Variants in SLC1A1 observed in about 807,000 individuals in gnomAD.
SLC1A1 encodes the protein excitatory amino acid transporter 3.
SLC1A1 carries 43 observed loss-of-function variants against 53.3 expected under a neutral mutation model. That is an observed-to-expected ratio of 0.81 (90% CI 0.63 to 1.04). The LOEUF (loss-of-function observed/expected upper bound fraction) is 1.04, where lower values mean the gene tolerates loss of function less well. Ranked by LOEUF, SLC1A1 falls within the 50% of genes least tolerant of loss-of-function variation. SLC1A1 has a pLI of 0.00. For missense variants in SLC1A1, 748 were observed against 664.9 expected, an observed-to-expected ratio of 1.12 and a Z score of -1.37; for synonymous variants, 307 against 243.2, an observed-to-expected ratio of 1.26 and a Z score of -2.44.
chr9:4,512,299 G>C (rs1177129001), intron 1 of SLC1A1, among the ~76,000 whole-genome samples: 8 of 152,114 alleles, frequency 5.3e-5, no homozygotes, highest in Non-Finnish European at 1.2e-4. Flanking sequence ...GATTGCTTGA[G>C]CTCAGGAATT....
rs193043778 is a variant in SLC1A1, at chr9:4,493,046, G to A, written c.91+2276G>A. On this transcript the variant is annotated intron_variant, in intron 1 of 11. Coordinates refer to ENST00000262352, the MANE Select transcript of SLC1A1 (RefSeq NM_004170.6). ...ATAAGAAGAAGTACATGCTCATTTT[G>A]CAGACATGGCCTTTGGTCTCAGATG... Among the ~76,000 whole-genome samples the A allele has an allele frequency of 9.2e-5, 14 of 152,282 alleles. No individual in the cohort carries two copies. In the East Asian group the frequency reaches 2.7e-3, roughly 29 times the overall value.
chr9:4,557,278 T>C (rs1818497585), intron 2 of SLC1A1, among the ~76,000 whole-genome samples: 1 of 152,260 alleles, frequency 6.6e-6, no homozygotes, highest in Non-Finnish European at 1.5e-5. Context: ...GTGATGGAAC[T>C]ACGTGCCAGG....
At chr9:4,496,583 A>G (rs183105108) in intron 1 of SLC1A1, among the ~76,000 whole-genome samples, 2 of 152,068 alleles carry the variant, frequency 1.3e-5, no homozygotes, top group Admixed American at 1.3e-4. Context: ...ACTGAACCTG[A>G]AGAGAAGTGA....
chr9:4,573,895 C>T lies in SLC1A1; in HGVS notation c.768-12C>T, dbSNP rs745510306. On this transcript the variant is annotated splice_polypyrimidine_tract_variant and intron_variant, in intron 7 of 11. Coordinates refer to ENST00000262352, the MANE Select transcript of SLC1A1 (RefSeq NM_004170.6). ...ATGACGGAATCACGCCTCTGTTGTGCTTCCTTTCCAGTTATATGCCACTAG... is the reference window on the plus strand; with the variant it reads ...ATGACGGAATCACGCCTCTGTTGTGTTTCCTTTCCAGTTATATGCCACTAG... The T allele has an allele frequency of 1.3e-6, 2 of 1,559,468 alleles. No individual in the cohort carries two copies. The highest frequency in any genetic ancestry group is 2.2e-5 in the East Asian group (1 of 44,636).
At chr9:4,554,704 T>C (rs1818216691) in intron 2 of SLC1A1, among the ~76,000 whole-genome samples, 1 of 152,210 alleles carries the variant, frequency 6.6e-6, no homozygotes, top group African/African-American at 2.4e-5. Flanking sequence ...GCAAGGCCTG[T>C]TGGCCAAGGT....
chr9:4,502,389 G>GAA (rs775499017), intron 1 of SLC1A1, among the ~76,000 whole-genome samples: 1,674 of 56,458 alleles, frequency 0.03, 280 homozygotes, highest in Middle Eastern at 0.11. Flanking sequence ...CCTGTCTCCA[G>GAA]AAAAAAAAAA....
intron 1 of SLC1A1, among the ~76,000 whole-genome samples, chr9:4,536,678 C>G (rs538048126): frequency 4.6e-5 from 7 of 152,184 alleles, no homozygotes; most frequent in Non-Finnish European, 1.0e-4. Flanking sequence ...TTTGACCTGG[C>G]AATCCCATTA....
At chr9:4,527,274 G>A (rs1052459766) in intron 1 of SLC1A1, among the ~76,000 whole-genome samples, 3 of 152,162 alleles carry the variant, frequency 2.0e-5, no homozygotes, top group African/African-American at 7.2e-5. Context: ...GAAGCCTTGT[G>A]AGACCCTGAG....
chr9:4,509,669 C>T (rs1223547758), intron 1 of SLC1A1, among the ~76,000 whole-genome samples: 1 of 152,094 alleles, frequency 6.6e-6, no homozygotes, highest in Non-Finnish European at 1.5e-5. Flanking sequence ...CTGGATCAGC[C>T]CTCCCAGTGC....
At chr9:4,567,808 G>A in intron 6 of SLC1A1, 41 bp downstream of exon 6, 1 of 1,219,826 alleles carries the variant, frequency 8.2e-7, no homozygotes, top group Non-Finnish European at 1.2e-6. Context: ...CAGGAGACAG[G>A]CACTGAGTCA....
intron 1 of SLC1A1, among the ~76,000 whole-genome samples, chr9:4,519,303 G>A (rs1815980494): frequency 6.6e-6 from 1 of 152,222 alleles, no homozygotes; most frequent in Non-Finnish European, 1.5e-5. Flanking sequence ...CATTGGTTTA[G>A]ATCACAGTGT....
At chr9:4,505,829 G>A (rs1820789322) in intron 1 of SLC1A1, among the ~76,000 whole-genome samples, 1 of 151,874 alleles carries the variant, frequency 6.6e-6, no homozygotes, top group African/African-American at 2.4e-5. Context: ...GCTAATTTTT[G>A]TACTTTTAGT....
intron 2 of SLC1A1, 36 bp downstream of exon 2, chr9:4,544,743 C>G: frequency 6.5e-7 from 1 of 1,539,164 alleles, no homozygotes; most frequent in Non-Finnish European, 9.0e-7. Flanking sequence ...TATATTAGTC[C>G]ATTTTCATAC....
In SLC1A1 at chr9:4,490,520, C is replaced by T. The variant is rs917598419; in HGVS notation, c.-160C>T. The T allele has an allele frequency of 7.0e-6, 3 of 426,448 alleles. No individual in the cohort carries two copies. The highest frequency in any genetic ancestry group is 1.2e-5 in the Non-Finnish European group (3 of 242,916). 26.4% of individuals were successfully genotyped at this position (426,448 alleles called of 1,614,324 possible). ...GGGCGCGGTGCGCGATCCCGGGTGG[C>T]GGCGGCAACGGCGGTGGTGACGGCG... On this transcript the variant is annotated 5_prime_UTR_variant, in exon 1 of 12. Transcript: ENST00000262352.
At chr9:4,571,689 T>TAAAC (rs1408528676) in intron 6 of SLC1A1, among the ~76,000 whole-genome samples, 1 of 151,182 alleles carries the variant, frequency 6.6e-6, no homozygotes, top group Admixed American at 6.6e-5. Context: ...AAAAAATAAA[T>TAAAC]AAATAAATAA....
chr9:4,511,142 C>A (rs1413015157), intron 1 of SLC1A1, among the ~76,000 whole-genome samples: 4 of 152,178 alleles, frequency 2.6e-5, no homozygotes, highest in African/African-American at 9.7e-5. Flanking sequence ...ACTTTAAAAA[C>A]TGAGAGAGGG....
chr9:4,508,627 C>T (rs1474571885), intron 1 of SLC1A1, among the ~76,000 whole-genome samples: 1 of 152,212 alleles, frequency 6.6e-6, no homozygotes, highest in Non-Finnish European at 1.5e-5. Context: ...GTTTATGACA[C>T]ACTTCTGGGT....
At chr9:4,507,087 A>T (rs1820832575) in intron 1 of SLC1A1, among the ~76,000 whole-genome samples, 1 of 152,128 alleles carries the variant, frequency 6.6e-6, no homozygotes, top group African/African-American at 2.4e-5. Context: ...AAAAAAAATT[A>T]GCTGAGCGTG....
chr9:4,569,632 T>C (rs1382820055), intron 6 of SLC1A1, among the ~76,000 whole-genome samples: 3 of 152,154 alleles, frequency 2.0e-5, no homozygotes, highest in Non-Finnish European at 2.9e-5. Context: ...GACTTAAGAA[T>C]TCAAATTAAA....
Sources: gnomAD v4.1 joint callset for allele counts (sites outside exome capture counted in the v4.1 genomes callset) on GRCh38, gnomAD v4.1.1 for gene constraint, MANE v1.5 for transcripts, NCBI Gene and HGNC (gene_info 2026-07-23, HGNC 2026-07-21) for gene names.